NOTCH2NLC: variants seen among roughly 807,000 people sequenced by gnomAD.
NOTCH2NLC encodes notch 2 N-terminal like C.
Under a neutral mutation model 17.7 loss-of-function variants are expected in NOTCH2NLC, and 4 were observed. That is an observed-to-expected ratio of 0.23 (90% CI 0.11 to 0.52). The LOEUF (loss-of-function observed/expected upper bound fraction) is 0.52. Ranked by LOEUF, NOTCH2NLC falls within the 20% of genes least tolerant of loss-of-function variation. NOTCH2NLC has a pLI of 0.96. For missense variants in NOTCH2NLC, 57 were observed against 207.2 expected (o/e 0.28, Z 4.45); for synonymous variants, 18 against 86.0 (o/e 0.21, Z 4.38).
intron 2 of NOTCH2NLC, among the ~76,000 whole-genome samples, chr1:149,440,106 AT>A (rs2084507806): frequency 6.6e-6 from 1 of 150,396 alleles, no homozygotes; most frequent in African/African-American, 2.4e-5. Context: ...TCTGATTAGG[AT>A]TTATGTAGAA....
Position 149,390,844 on chromosome 1 carries a change from C to A in NOTCH2NLC, c.57C>A (p.Asp19Glu), listed in dbSNP as rs1196414207. The A allele has an allele frequency of 2.4e-5, 32 of 1,345,998 alleles. 3 individuals are homozygous for A. The highest frequency in any genetic ancestry group is 3.0e-5 in the Non-Finnish European group (31 of 1,047,418). 83.4% of individuals were successfully genotyped at this position (1,345,998 alleles called of 1,614,324 possible). ...GCGGCGGCGGCGGAGGAGGCGGCGA[C>A]CGAGAAGATGCCCGCCCTGCGCCGC... ...GGGGGGGGGG[D>E]REDARPAPLC... Residue 19 changes from aspartate (D) to glutamate (E), a missense_variant, in exon 1 of 5, where the codon GAC (aspartate) becomes GAA (glutamate). By Grantham distance (45) the Asp-to-Glu change is conservative. Around this residue, in one of 7 missense-constraint regions of NOTCH2NLC, gnomAD observed 25 missense variants for 27.0 expected, o/e 0.93. Coordinates refer to ENST00000650865, the MANE Select transcript of NOTCH2NLC (RefSeq NM_001364013.2).
chr1:149,428,379 C>T (rs2101486933), intron 1 of NOTCH2NLC, among the ~76,000 whole-genome samples: 1 of 150,024 alleles, frequency 6.7e-6, no homozygotes, highest in African/African-American at 2.4e-5. Flanking sequence ...AATTATTAGC[C>T]TGGTAAGCCC....
chr1:149,420,118 C>G (rs1410515666), intron 1 of NOTCH2NLC, among the ~76,000 whole-genome samples: 1 of 149,850 alleles, frequency 6.7e-6, no homozygotes, highest in African/African-American at 2.5e-5. Context: ...GATCCGCCCA[C>G]CTCGGCCTCC....
At chr1:149,427,084 A>G (rs1449760780) in intron 1 of NOTCH2NLC, among the ~76,000 whole-genome samples, 5 of 151,202 alleles carry the variant, frequency 3.3e-5, no homozygotes, top group African/African-American at 1.2e-4. Flanking sequence ...TGCTAATACA[A>G]TGTAGAACAA....
intron 1 of NOTCH2NLC, among the ~76,000 whole-genome samples, chr1:149,410,307 A>G (rs2084291908): frequency 6.7e-6 from 1 of 149,496 alleles, no homozygotes. Flanking sequence ...AGGTATATTT[A>G]GAAATCCTTT....
At chr1:149,430,082 G>A (rs1333270380) in intron 1 of NOTCH2NLC, among the ~76,000 whole-genome samples, 1 of 149,446 alleles carries the variant, frequency 6.7e-6, no homozygotes, top group Non-Finnish European at 1.5e-5. Context: ...ATTTCGAGTA[G>A]ACTTCTTCCA....
At chr1:149,448,596 T>C (rs1289282015) in intron 2 of NOTCH2NLC, among the ~76,000 whole-genome samples, 1 of 149,954 alleles carries the variant, frequency 6.7e-6, no homozygotes, top group Non-Finnish European at 1.5e-5. Context: ...AGTCGGAGCA[T>C]TATTCTTTCT....
rs1225208341 is a variant in NOTCH2NLC at position 149,420,475 on chromosome 1, T to TA, written c.136-10458dup. On this transcript the variant is annotated intron_variant, in intron 1 of 4. Transcript: ENST00000650865. ...TACCCTAAAACTTAAAGTATAATAA[T>TA]AAAAAAAAAGAAATATCCTGGCTAT... Among the ~76,000 whole-genome samples, 272 of 145,788 alleles carry TA rather than the reference T, an allele frequency of 1.9e-3. 4 individuals are homozygous for TA. Among genetic ancestry groups the TA allele is most frequent in the African/African-American group, 6.4e-3 (257 of 39,904 alleles).
At chr1:149,454,657 G>C (rs2101506986) in intron 2 of NOTCH2NLC, among the ~76,000 whole-genome samples, 1 of 151,220 alleles carries the variant, frequency 6.6e-6, no homozygotes, top group South Asian at 2.1e-4. Flanking sequence ...AATATTAACA[G>C]ATTTTTAAAT....
chr1:149,439,810 C>A (rs2084504807), intron 2 of NOTCH2NLC, among the ~76,000 whole-genome samples: 1 of 149,488 alleles, frequency 6.7e-6, no homozygotes, highest in African/African-American at 2.5e-5. Context: ...GCACTTAGTC[C>A]TCTGTGTCCA....
At chr1:149,414,528 C>A (rs1331305275) in intron 1 of NOTCH2NLC, among the ~76,000 whole-genome samples, 1 of 150,976 alleles carries the variant, frequency 6.6e-6, no homozygotes, top group African/African-American at 2.4e-5. Flanking sequence ...AAAATGTATA[C>A]CCCAAGAAAA....
chr1:149,426,576 C>CTTTTTTT (rs1224339764), intron 1 of NOTCH2NLC, among the ~76,000 whole-genome samples: 6 of 104,440 alleles, frequency 5.7e-5, no homozygotes, highest in African/African-American at 1.1e-4. Flanking sequence ...TTCTTTTTGC[C>CTTTTTTT]TTTTTTTTTT....
intron 3 of NOTCH2NLC, among the ~76,000 whole-genome samples, chr1:149,462,810 C>G (rs2084657376): frequency 6.8e-6 from 1 of 146,424 alleles, no homozygotes; most frequent in African/African-American, 2.5e-5. Context: ...GGAGAGTTCA[C>G]TAGGAAAACA....
At chr1:149,429,907 G>GA (rs2084436287) in intron 1 of NOTCH2NLC, among the ~76,000 whole-genome samples, 2 of 150,742 alleles carry the variant, frequency 1.3e-5, no homozygotes, top group Non-Finnish European at 1.5e-5. Context: ...TAACTTCCAA[G>GA]AAAGAGTTCA....
rs1175539238 is a variant in NOTCH2NLC at position 149,468,958 on chromosome 1, CTTTTT to C, written c.*4825_*4829del. Among the ~76,000 whole-genome samples, 3 of 53,434 alleles carry C rather than the reference CTTTTT, an allele frequency of 5.6e-5. No homozygotes were observed. The highest frequency in any genetic ancestry group is 2.0e-4 in the Admixed American group (1 of 5,110). 35.1% of individuals were successfully genotyped at this position (53,434 alleles called of 152,430 possible). On this transcript the variant is annotated 3_prime_UTR_variant, in exon 5 of 5. Coordinates refer to ENST00000650865, the MANE Select transcript of NOTCH2NLC (RefSeq NM_001364013.2). ...GGCATGTGTCATTTTCTTTTCTTTT[CTTTTT>C]TTTTTTTTTTTTTTTTTTTGAGACG...
intron 1 of NOTCH2NLC, among the ~76,000 whole-genome samples, chr1:149,398,749 T>A (rs1324854212): frequency 6.6e-6 from 1 of 151,070 alleles, no homozygotes; most frequent in Non-Finnish European, 1.5e-5. Flanking sequence ...TTTCTTTCCA[T>A]TGGACTGAAG....
chr1:149,436,811 C>T (rs2084485312), intron 2 of NOTCH2NLC, among the ~76,000 whole-genome samples: 1 of 139,518 alleles, frequency 7.2e-6, no homozygotes, highest in Non-Finnish European at 1.6e-5. Context: ...AAAATGATAG[C>T]AGAAGCTTGG....
chr1:149,419,961 G>A (rs2084370214), intron 1 of NOTCH2NLC, among the ~76,000 whole-genome samples: 1 of 138,704 alleles, frequency 7.2e-6, no homozygotes, highest in Admixed American at 7.3e-5. Flanking sequence ...CCGCCTCCCG[G>A]GTTCATGCCA....
At position 149,400,112 on chromosome 1, in the gene NOTCH2NLC, T is replaced by TA. The variant is rs2084234324; in HGVS notation, c.135+9190_135+9191insA. Among the ~76,000 whole-genome samples, 37 of 138,762 alleles carry TA rather than the reference T, an allele frequency of 2.7e-4. 1 individual carries two copies. The highest frequency in any genetic ancestry group is 9.7e-4 in the African/African-American group (37 of 37,994). 91.0% of individuals were successfully genotyped at this position (138,762 alleles called of 152,430 possible). On this transcript the variant is annotated intron_variant, in intron 1 of 4. Coordinates refer to ENST00000650865, the MANE Select transcript of NOTCH2NLC (RefSeq NM_001364013.2). ...AGATTTAGAAAAGCTGTTGATTTATTTATATATATATATATATATAATATA... is the reference window on the plus strand; with the variant it reads ...AGATTTAGAAAAGCTGTTGATTTATTATATATATATATATATATATAATATA...
Sources: allele counts gnomAD v4.1 joint callset (sites outside exome capture counted in the v4.1 genomes callset), GRCh38; gene constraint gnomAD v4.1.1; regional missense constraint gnomAD v4.1.1; transcripts MANE v1.5; gene names NCBI Gene and HGNC (gene_info 2026-07-23, HGNC 2026-07-21).